Variants in TBX15 observed in about 807,000 individuals in gnomAD.
TBX15 encodes the protein T-box transcription factor 15.
A neutral mutation model predicts 53.9 loss-of-function variants in TBX15; 18 were observed. The observed-to-expected ratio is 0.33, with a 90% CI of 0.23 to 0.49. The LOEUF (loss-of-function observed/expected upper bound fraction) is 0.49. Among genes scored for constraint, TBX15 ranks in the 20% least tolerant of loss-of-function variants. TBX15 has a pLI of 0.98. For missense variants in TBX15, 692 were observed against 749.5 expected, an observed-to-expected ratio of 0.92 and a Z score of 0.90; for synonymous variants, 295 against 278.0, an observed-to-expected ratio of 1.06 and a Z score of -0.61.
intron 1 of TBX15, among the ~76,000 whole-genome samples, chr1:118,943,591 C>T (rs1245301453): frequency 6.6e-6 from 1 of 152,104 alleles, no homozygotes; most frequent in African/African-American, 2.4e-5. Context: ...GAAAATGGGC[C>T]AGGGAGCAAA....
intron 1 of TBX15, among the ~76,000 whole-genome samples, chr1:118,950,764 GACCATC>G (rs1285472256): frequency 3.3e-5 from 5 of 152,116 alleles, no homozygotes; most frequent in African/African-American, 4.8e-5. Context: ...ATGTTTCAAA[GACCATC>G]ACAAAAAAGG....
chr1:118,885,304 A>G lies in TBX15; in HGVS notation c.1237T>C (p.Tyr413His), dbSNP rs763503171. The G allele has an allele frequency of 1.2e-6, 2 of 1,614,016 alleles. No homozygotes were observed. Among genetic ancestry groups the G allele is most frequent in the African/African-American group, 1.3e-5 (1 of 74,928 alleles). The change falls in exon 8 of 8, where the codon TAC becomes CAC. Residue 413 changes from tyrosine to histidine, a missense_variant. By Grantham distance (83) the Tyr-to-His change is moderately conservative. This residue lies in a region of TBX15 where 375 missense variants were observed against 371.6 expected (regional missense o/e 1.01). Coordinates refer to ENST00000369429, the MANE Select transcript of TBX15 (RefSeq NM_001330677.2). ...ARSNMAALQSYPGLSDSGYNR... is the reference protein window; with the variant it reads ...ARSNMAALQSHPGLSDSGYNR... ...TAGCCACTGTCACTCAGCCCTGGGT[A>G]GCTCTGCAAGGCAGCCATGTTGCTT...
At chr1:118,896,188 C>T (rs1041230452) in intron 7 of TBX15, among the ~76,000 whole-genome samples, 3 of 148,742 alleles carry the variant, frequency 2.0e-5, no homozygotes, top group Admixed American at 2.0e-4. Flanking sequence ...AGCCAAAACA[C>T]TGGACACCCC....
chr1:118,907,824 C>T (rs545323256), intron 6 of TBX15, among the ~76,000 whole-genome samples: 1 of 152,302 alleles, frequency 6.6e-6, no homozygotes, highest in South Asian at 2.1e-4. Context: ...AACCAAACCT[C>T]ATTCTGCTTT....
At chr1:118,901,800 T>G (rs1654638783) in intron 6 of TBX15, among the ~76,000 whole-genome samples, 1 of 152,130 alleles carries the variant, frequency 6.6e-6, no homozygotes, top group Non-Finnish European at 1.5e-5. Flanking sequence ...AAGTAAATAG[T>G]GAGAGTGACA....
chr1:118,885,824 C>A (rs1240390513), intron 7 of TBX15, among the ~76,000 whole-genome samples: 2 of 152,284 alleles, frequency 1.3e-5, no homozygotes, highest in Admixed American at 1.3e-4. Context: ...TAACAATAAA[C>A]CTTCCAAGAT....
At chr1:118,938,170 A>C (rs530186279) in intron 1 of TBX15, among the ~76,000 whole-genome samples, 1 of 152,202 alleles carries the variant, frequency 6.6e-6, no homozygotes, top group Non-Finnish European at 1.5e-5. Flanking sequence ...CCCGGGATGG[A>C]TTAAACTAAA....
chr1:118,916,486 G>C (rs141046501), intron 5 of TBX15, among the ~76,000 whole-genome samples: 157 of 152,294 alleles, frequency 1.0e-3, no homozygotes, highest in African/African-American at 3.7e-3. Context: ...ATGAAAAAAA[G>C]CTCAACATCA....
intron 1 of TBX15, among the ~76,000 whole-genome samples, chr1:118,965,169 C>T (rs1307815035): frequency 2.0e-5 from 3 of 152,104 alleles, no homozygotes; most frequent in African/African-American, 4.8e-5. Flanking sequence ...AGACTTGCAC[C>T]CCAGGATCCT....
chr1:118,963,573 T>G (rs1425608785), intron 1 of TBX15, among the ~76,000 whole-genome samples: 1 of 152,232 alleles, frequency 6.6e-6, no homozygotes, highest in Non-Finnish European at 1.5e-5. Context: ...CTCTCTTCCC[T>G]AGCCATGGCA....
At chr1:118,962,978 A>G (rs770643533) in intron 1 of TBX15, among the ~76,000 whole-genome samples, 2 of 152,252 alleles carry the variant, frequency 1.3e-5, no homozygotes, top group Non-Finnish European at 2.9e-5. Flanking sequence ...CTTTTAAGGA[A>G]GATGGCATAT....
At chr1:118,909,734 C>A (rs1415989334) in intron 6 of TBX15, among the ~76,000 whole-genome samples, 1 of 152,216 alleles carries the variant, frequency 6.6e-6, no homozygotes, top group Non-Finnish European at 1.5e-5. Context: ...AGGCACGCGC[C>A]ACCATGCCCG....
intron 7 of TBX15, among the ~76,000 whole-genome samples, chr1:118,886,308 C>T (rs1653942897): frequency 6.6e-6 from 1 of 152,060 alleles, no homozygotes; most frequent in Non-Finnish European, 1.5e-5. Flanking sequence ...TTTATCAGAA[C>T]AAGAAGCTAA....
chr1:118,945,516 T>C (rs1215022703), intron 1 of TBX15, among the ~76,000 whole-genome samples: 1 of 152,138 alleles, frequency 6.6e-6, no homozygotes, highest in Non-Finnish European at 1.5e-5. Context: ...TTTTTCTCAA[T>C]TGACCCCAAA....
chr1:118,987,628 C>T lies in TBX15; in HGVS notation c.168G>A (p.Thr56=), dbSNP rs576946011. 1.9e-6 allele frequency: 3 copies of T among 1,549,752 alleles called. No individual in the cohort carries two copies. Among genetic ancestry groups the T allele is most frequent in the Non-Finnish European group, 1.7e-6 (2 of 1,146,782 alleles). The stretch of plus-strand genomic sequence containing the variant: ...CCAGGCCGTGTGCCGCCGCGTCCTC[C>T]GTGTCTCCGAGTGGGCCCGCGGGGC... ...ALSPAGPLGD[T]EDAAAHGLEP... is the part of the protein sequence containing the mutation. Residue 56 remains threonine, a synonymous_variant, in exon 1 of 8, where the codon ACG becomes ACA. Transcript: ENST00000369429.
chr1:118,962,616 G>A (rs555309827), intron 1 of TBX15, among the ~76,000 whole-genome samples: 2 of 152,252 alleles, frequency 1.3e-5, no homozygotes, highest in South Asian at 2.1e-4. Flanking sequence ...TCATATCAAA[G>A]TGCTCTCAAA....
intron 2 of TBX15, among the ~76,000 whole-genome samples, chr1:118,931,095 A>G (rs1655766916): frequency 6.6e-6 from 1 of 152,248 alleles, no homozygotes; most frequent in South Asian, 2.1e-4. Flanking sequence ...CTAGAAAAAC[A>G]GTTTTACAAG....
At chr1:118,950,949 G>T (rs1244822268) in intron 1 of TBX15, among the ~76,000 whole-genome samples, 1 of 152,148 alleles carries the variant, frequency 6.6e-6, no homozygotes, top group Admixed American at 6.5e-5. Flanking sequence ...ATGCCACTGT[G>T]CACTCCGAAA....
At chr1:118,946,324 A>G (rs1446123418) in intron 1 of TBX15, among the ~76,000 whole-genome samples, 1 of 152,168 alleles carries the variant, frequency 6.6e-6, no homozygotes, top group Non-Finnish European at 1.5e-5. Flanking sequence ...CCTAAAGTCA[A>G]TGGACAAGCT....
Sources: gnomAD v4.1 joint callset for allele counts (sites outside exome capture counted in the v4.1 genomes callset) on GRCh38, gnomAD v4.1.1 for gene constraint, gnomAD v4.1.1 regional missense constraint, MANE v1.5 for transcripts, NCBI Gene and HGNC (gene_info 2026-07-23, HGNC 2026-07-21) for gene names.